KCNAB1: variants seen among roughly 807,000 people sequenced by gnomAD.
KCNAB1 encodes the protein potassium voltage-gated channel subfamily A regulatory beta subunit 1, also known as voltage-gated potassium channel subunit beta-1.
KCNAB1 carries 35 observed loss-of-function variants against 64.6 expected under a neutral mutation model. That is an observed-to-expected ratio of 0.54 (90% confidence interval 0.41 to 0.72). KCNAB1 has a LOEUF of 0.72. KCNAB1 is among the 30% of genes least tolerant of loss of function. The probability of loss-of-function intolerance (pLI) is 0.00; values close to 1 mark genes in which losing one functional copy is unlikely to be tolerated. For synonymous variants in KCNAB1, 177 were observed against 183.8 expected (o/e 0.96, Z 0.30); for missense variants, 401 against 512.9 (o/e 0.78, Z 2.11).
chr3:156,261,455 A>G (rs983440821), intron 1 of KCNAB1, among the ~76,000 whole-genome samples: 16 of 151,858 alleles, frequency 1.1e-4, no homozygotes, highest in African/African-American at 3.6e-4. Flanking sequence ...TTTCTCACAT[A>G]TGGATATCCA....
At chr3:156,290,050 T>C (rs1191325773) in intron 1 of KCNAB1, among the ~76,000 whole-genome samples, 4 of 152,204 alleles carry the variant, frequency 2.6e-5, no homozygotes, top group African/African-American at 7.2e-5. Context: ...TCAGCCATCT[T>C]TGTGGCCCAG....
At chr3:156,269,908 G>T (rs1295254744) in intron 1 of KCNAB1, among the ~76,000 whole-genome samples, 8 of 145,834 alleles carry the variant, frequency 5.5e-5, no homozygotes, top group African/African-American at 2.1e-4. Flanking sequence ...GATGACCGGG[G>T]CTTGCTTTTT....
intron 1 of KCNAB1, among the ~76,000 whole-genome samples, chr3:156,279,517 T>C (rs1293901202): frequency 1.3e-5 from 2 of 152,124 alleles, no homozygotes; most frequent in African/African-American, 2.4e-5. Context: ...GTATTTCCAG[T>C]TCTAGATCCC....
At chr3:156,247,561 AT>A (rs968624616) in intron 1 of KCNAB1, among the ~76,000 whole-genome samples, 1 of 151,804 alleles carries the variant, frequency 6.6e-6, no homozygotes, top group African/African-American at 2.4e-5. Context: ...GAACCACAGT[AT>A]TTTTTTGCGG....
chr3:156,185,306 A>C (rs1372107899), intron 1 of KCNAB1, among the ~76,000 whole-genome samples: 1 of 152,152 alleles, frequency 6.6e-6, no homozygotes, highest in African/African-American at 2.4e-5. Context: ...GCCCAAGCCC[A>C]TGTCCCTGTT....
intron 4 of KCNAB1, 113 bp from the exon 5 acceptor site, chr3:156,459,714 T>G (rs1712748045): frequency 1.4e-6 from 1 of 706,070 alleles, no homozygotes; most frequent in Admixed American, 2.7e-5. Context: ...GGCTTCTATT[T>G]TCGGGATATG....
intron 1 of KCNAB1, among the ~76,000 whole-genome samples, chr3:156,336,666 C>T (rs912583571): frequency 1.3e-5 from 2 of 152,166 alleles, no homozygotes; most frequent in African/African-American, 2.4e-5. Context: ...CCTGGAGATG[C>T]CTTTTGCAGA....
At chr3:156,484,324 TTTC>T (rs570649408) in intron 8 of KCNAB1, among the ~76,000 whole-genome samples, 222 of 152,222 alleles carry the variant, frequency 1.5e-3, no homozygotes, top group East Asian at 5.0e-3. Flanking sequence ...AGGATGCTTT[TTTC>T]TTCTTCTTCT....
At chr3:156,224,225 G>A (rs1715995378) in intron 1 of KCNAB1, among the ~76,000 whole-genome samples, 1 of 152,228 alleles carries the variant, frequency 6.6e-6, no homozygotes, top group South Asian at 2.1e-4. Flanking sequence ...TCTGAGTGCG[G>A]GCCCACTGAG....
chr3:156,327,656 C>G (rs370356181), intron 1 of KCNAB1, among the ~76,000 whole-genome samples: 5 of 152,082 alleles, frequency 3.3e-5, no homozygotes, highest in African/African-American at 1.2e-4. Flanking sequence ...GAACAAATAA[C>G]TGAATATCTA....
At chr3:156,206,676 T>G (rs1714684778) in intron 1 of KCNAB1, among the ~76,000 whole-genome samples, 1 of 152,242 alleles carries the variant, frequency 6.6e-6, no homozygotes, top group Non-Finnish European at 1.5e-5. Context: ...TATCTTTGCA[T>G]TTCAACATAT....
intron 1 of KCNAB1, among the ~76,000 whole-genome samples, chr3:156,258,423 G>A (rs1718229482): frequency 6.6e-6 from 1 of 152,136 alleles, no homozygotes; most frequent in Non-Finnish European, 1.5e-5. Flanking sequence ...CTAGTCCTAT[G>A]GGCACAATTT....
chr3:156,139,584 G>GT (rs386398329), intron 1 of KCNAB1, among the ~76,000 whole-genome samples: 5,728 of 55,226 alleles, frequency 0.1, 1,347 homozygotes, highest in African/African-American at 0.17. Context: ...ATTGTACTGT[G>GT]TTTTTTTTTT....
chr3:156,468,540 G>A (rs1159411872), intron 7 of KCNAB1, among the ~76,000 whole-genome samples: 1 of 152,062 alleles, frequency 6.6e-6, no homozygotes, highest in African/African-American at 2.4e-5. Context: ...CTTTGTGCAA[G>A]TTACTTAACC....
chr3:156,386,600 G>A (rs746685611), intron 1 of KCNAB1, among the ~76,000 whole-genome samples: 14 of 152,122 alleles, frequency 9.2e-5, no homozygotes, highest in Non-Finnish European at 1.6e-4. Context: ...ACCATCACCC[G>A]ACATTCCTAC....
chr3:156,122,159 G>C (rs1044306719), intron 1 of KCNAB1, among the ~76,000 whole-genome samples: 1 of 143,410 alleles, frequency 7.0e-6, no homozygotes, highest in East Asian at 2.1e-4. Context: ...CCACATTTGG[G>C]GTACATGGGA....
chr3:156,295,537 T>C (rs564988941), intron 1 of KCNAB1, among the ~76,000 whole-genome samples: 187 of 152,300 alleles, frequency 1.2e-3, no homozygotes, highest in African/African-American at 4.3e-3. Context: ...ACACCATCAT[T>C]GTATAAGAAT....
chr3:156,200,182 C>G lies in KCNAB1; in HGVS notation c.275+79296C>G, dbSNP rs1467118632. Reference sequence around the variant, plus strand: ...AGAACACCAAAGATTGCTGCCTGTTCCTTCCTCTGGAAGCTTCATCCCAGA... The same window carrying G: ...AGAACACCAAAGATTGCTGCCTGTTGCTTCCTCTGGAAGCTTCATCCCAGA... On this transcript the variant is annotated intron_variant, in intron 1 of 13. Transcript: ENST00000490337. Among the ~76,000 whole-genome samples the G allele has an allele frequency of 2.0e-5, 3 of 152,206 alleles. No homozygotes were observed. In the East Asian group the frequency reaches 5.8e-4, roughly 29 times the overall value.
chr3:156,263,035 G>A (rs988236996), intron 1 of KCNAB1, among the ~76,000 whole-genome samples: 20 of 151,916 alleles, frequency 1.3e-4, no homozygotes, highest in African/African-American at 4.8e-4. Context: ...TTTGTTTTCA[G>A]TCAGTCTAGC....
Sources: allele counts gnomAD v4.1 joint callset (sites outside exome capture counted in the v4.1 genomes callset), GRCh38; gene constraint gnomAD v4.1.1; transcripts MANE v1.5; gene names NCBI Gene and HGNC (gene_info 2026-07-23, HGNC 2026-07-21).